Variants in SLIT3 observed in about 807,000 individuals in gnomAD.
The protein encoded by SLIT3 is slit guidance ligand 3, also known as slit homolog 3 protein.
SLIT3 carries 68 observed loss-of-function variants against 184.0 expected under a neutral mutation model. The ratio of observed to expected loss-of-function variants is 0.37; its 90% CI spans 0.30 to 0.45. The LOEUF (loss-of-function observed/expected upper bound fraction) is 0.45, where lower values mean the gene tolerates loss of function less well. SLIT3 is among the 20% of genes least tolerant of loss of function. The pLI, the probability that SLIT3 is intolerant of heterozygous loss-of-function variation, is 1.00. For synonymous variants in SLIT3, 831 were observed against 828.6 expected (o/e 1.00, Z -0.05); for missense variants, 1,707 against 2,026.0 (o/e 0.84, Z 3.02).
intron 4 of SLIT3, among the ~76,000 whole-genome samples, chr5:169,133,173 G>A (rs1761367957): frequency 6.6e-6 from 1 of 152,102 alleles, no homozygotes; most frequent in Non-Finnish European, 1.5e-5. Flanking sequence ...ATTTCTACCT[G>A]TAGGCAGGAA....
At chr5:168,959,507 T>A (rs1021769331) in intron 4 of SLIT3, among the ~76,000 whole-genome samples, 1 of 152,150 alleles carries the variant, frequency 6.6e-6, no homozygotes, top group African/African-American at 2.4e-5. Flanking sequence ...GGATAAAGCA[T>A]CTATAAGTGG....
At position 168,841,723 on chromosome 5, in the gene SLIT3, G is replaced by T. The variant is rs1014648160; in HGVS notation, c.557+2861C>A. The stretch of plus-strand genomic sequence containing the variant: ...GGTATTTCCATCCACAGGAGGGATG[G>T]AATAACAGGGTTATTGCATGCGAAA... On this transcript the variant is annotated intron_variant, in intron 6 of 35. Coordinates refer to ENST00000519560, the MANE Select transcript of SLIT3 (RefSeq NM_003062.4). Among the ~76,000 whole-genome samples the T allele has an allele frequency of 2.0e-5, 3 of 152,144 alleles. No individual in the cohort carries two copies. The East Asian group carries it at 5.8e-4, about 29-fold the overall frequency.
intron 16 of SLIT3, among the ~76,000 whole-genome samples, chr5:168,759,802 A>G (rs1755077848): frequency 6.6e-6 from 1 of 152,176 alleles, no homozygotes; most frequent in Admixed American, 6.5e-5. Context: ...TATGGAATCC[A>G]TGAATCATGA....
At chr5:169,058,539 A>G (rs548666307) in intron 4 of SLIT3, among the ~76,000 whole-genome samples, 1 of 152,268 alleles carries the variant, frequency 6.6e-6, no homozygotes, top group South Asian at 2.1e-4. Flanking sequence ...AATTCAGAGA[A>G]AGCTTGTTGT....
At chr5:168,760,390 C>A (rs1230987504) in intron 16 of SLIT3, among the ~76,000 whole-genome samples, 1 of 152,220 alleles carries the variant, frequency 6.6e-6, no homozygotes, top group African/African-American at 2.4e-5. Context: ...CTGGAGGAAA[C>A]CCACTGTGGG....
At chr5:168,973,948 C>A (rs188506722) in intron 4 of SLIT3, among the ~76,000 whole-genome samples, 226 of 152,254 alleles carry the variant, frequency 1.5e-3, no homozygotes, top group African/African-American at 5.1e-3. Context: ...AGTTGGATTC[C>A]TTGCTAATGG....
chr5:168,777,627 G>T (rs559005724), intron 12 of SLIT3, among the ~76,000 whole-genome samples: 42 of 152,316 alleles, frequency 2.8e-4, no homozygotes, highest in Middle Eastern at 3.4e-3. Flanking sequence ...ATAGCCCAAG[G>T]TGCAGAGCTC....
intron 3 of SLIT3, among the ~76,000 whole-genome samples, chr5:169,233,441 G>T (rs1265267120): frequency 1.4e-5 from 2 of 148,034 alleles, no homozygotes; most frequent in Non-Finnish European, 3.0e-5. Context: ...CTTGTGTCCA[G>T]TGACCTTAGA....
chr5:168,668,758 T>G (rs184927532), intron 35 of SLIT3, among the ~76,000 whole-genome samples: 1 of 152,128 alleles, frequency 6.6e-6, no homozygotes, highest in Non-Finnish European at 1.5e-5. Context: ...CCTATCTAGA[T>G]GAGGAAGTGA....
chr5:169,076,785 A>G (rs889249281), intron 4 of SLIT3, among the ~76,000 whole-genome samples: 1 of 152,190 alleles, frequency 6.6e-6, no homozygotes, highest in African/African-American at 2.4e-5. Flanking sequence ...TGAGCTAAGC[A>G]GAAATAGAAT....
At chr5:169,142,376 G>A (rs1303404656) in intron 4 of SLIT3, among the ~76,000 whole-genome samples, 1 of 152,186 alleles carries the variant, frequency 6.6e-6, no homozygotes, top group African/African-American at 2.4e-5. Context: ...ATAAGGCCCT[G>A]CCAAGCAGGG....
intron 3 of SLIT3, among the ~76,000 whole-genome samples, chr5:169,207,362 C>CACAT (rs765067770): frequency 0.013 from 1,765 of 133,404 alleles, 15 homozygotes; most frequent in Middle Eastern, 0.033. Context: ...GTTTTACATA[C>CACAT]ACATACATAC....
chr5:168,815,784 G>C (rs1757318886), intron 8 of SLIT3, among the ~76,000 whole-genome samples: 1 of 152,242 alleles, frequency 6.6e-6, no homozygotes, highest in Non-Finnish European at 1.5e-5. Flanking sequence ...GAAGAGGCCA[G>C]AGAGTTTGCG....
rs1366447949 is a variant in SLIT3, at chr5:169,143,645, C to CA, written c.413+49833dup. 1.1e-4 allele frequency among the ~76,000 whole-genome samples: 17 copies of CA among 152,242 alleles called. No homozygotes were observed. The South Asian group carries it at 2.3e-3, about 20-fold the overall frequency. On this transcript the variant is annotated intron_variant, in intron 4 of 35. Coordinates refer to ENST00000519560, the MANE Select transcript of SLIT3 (RefSeq NM_003062.4). ...GAAAACCCGTCTCTACTAAAAAATA[C>CA]AAAAAATTAGTCGGGCATTGTGGTG... is the stretch of plus-strand genomic sequence containing the variant.
chr5:168,725,759 C>T (rs1763089286), intron 20 of SLIT3, among the ~76,000 whole-genome samples: 1 of 152,204 alleles, frequency 6.6e-6, no homozygotes, highest in South Asian at 2.1e-4. Context: ...CTGCAGACCA[C>T]ATTTTGAGTA....
intron 12 of SLIT3, among the ~76,000 whole-genome samples, chr5:168,779,181 C>T (rs1354106094): frequency 1.3e-5 from 2 of 152,176 alleles, no homozygotes; most frequent in Non-Finnish European, 2.9e-5. Context: ...GTTCCACAAC[C>T]CGTAAGAGGT....
intron 3 of SLIT3, among the ~76,000 whole-genome samples, chr5:169,194,434 G>A (rs983469692): frequency 6.6e-6 from 1 of 152,026 alleles, no homozygotes; most frequent in Non-Finnish European, 1.5e-5. Context: ...GACCAGAGTA[G>A]GATTCCATTG....
chr5:169,033,481 TG>T (rs1757116757), intron 4 of SLIT3, among the ~76,000 whole-genome samples: 1 of 152,164 alleles, frequency 6.6e-6, no homozygotes, highest in Non-Finnish European at 1.5e-5. Context: ...TTAGGTCATC[TG>T]GTAATTTTAT....
At position 168,712,331 on chromosome 5, in the gene SLIT3, G is replaced by T; in HGVS notation, c.2507C>A (p.Ser836Tyr). ...RVLTLHGNDI[S>Y]SVPEGSFNDL... ...GTTGAAGGAGCCTTCAGGAACGCTGGAAATGTCATTGCCATGGAGGGTTCT... is the reference window on the plus strand; with the variant it reads ...GTTGAAGGAGCCTTCAGGAACGCTGTAAATGTCATTGCCATGGAGGGTTCT... Residue 836 changes from serine (S) to tyrosine (Y), a missense_variant, in exon 24 of 36, where the codon TCC becomes TAC. Coordinates refer to ENST00000519560, the MANE Select transcript of SLIT3 (RefSeq NM_003062.4). 6.2e-7 allele frequency: 1 copy of T among 1,614,216 alleles called. No individual in the cohort carries two copies. Among genetic ancestry groups the T allele is most frequent in the East Asian group, 2.2e-5 (1 of 44,880 alleles).
Sources: gnomAD v4.1 joint callset for allele counts (sites outside exome capture counted in the v4.1 genomes callset) on GRCh38, gnomAD v4.1.1 for gene constraint, MANE v1.5 for transcripts, NCBI Gene and HGNC (gene_info 2026-07-23, HGNC 2026-07-21) for gene names.